PRKCH: variants seen among roughly 807,000 people sequenced by gnomAD.
PRKCH encodes protein kinase C eta type.
Under a neutral mutation model 82.5 loss-of-function variants are expected in PRKCH, and 28 were observed. That is an observed-to-expected ratio of 0.34 (90% confidence interval 0.25 to 0.47). The LOEUF (loss-of-function observed/expected upper bound fraction) is 0.47, where lower values mean the gene tolerates loss of function less well. PRKCH is among the 20% of genes least tolerant of loss of function. The probability of loss-of-function intolerance (pLI) is 1.00; values close to 1 mark genes in which losing one functional copy is unlikely to be tolerated. For synonymous variants in PRKCH, 322 were observed against 327.4 expected (o/e 0.98, Z 0.18); for missense variants, 705 against 881.8 (o/e 0.80, Z 2.54).
intron 2 of PRKCH, among the ~76,000 whole-genome samples, chr14:61,436,415 A>C (rs1204806310): frequency 6.7e-6 from 1 of 149,630 alleles, no homozygotes; most frequent in Non-Finnish European, 1.5e-5. Flanking sequence ...TAATACAGTG[A>C]GTCCAACCAC....
intron 10 of PRKCH, 114 bp downstream of exon 10, chr14:61,485,770 C>G (rs938344330): frequency 1.1e-5 from 15 of 1,375,284 alleles, no homozygotes; most frequent in Non-Finnish European, 1.5e-5. Flanking sequence ...GAATTAAATT[C>G]ACAGAAGTTT....
At chr14:61,284,034 A>G (rs1049893443) in intron 1 of PRKCH, among the ~76,000 whole-genome samples, 1 of 152,190 alleles carries the variant, frequency 6.6e-6, no homozygotes, top group Non-Finnish European at 1.5e-5. Context: ...GAGGTTGAAA[A>G]GAGGGGTGGC....
At chr14:61,275,214 T>C (rs1169220096) in intron 1 of PRKCH, among the ~76,000 whole-genome samples, 1 of 152,246 alleles carries the variant, frequency 6.6e-6, no homozygotes, top group African/African-American at 2.4e-5. Flanking sequence ...CTTTCTTTTC[T>C]TTTAGAACAT....
intron 1 of PRKCH, among the ~76,000 whole-genome samples, chr14:61,188,705 G>GTGTGTGTGTGTGTT (rs2044387375): frequency 3.1e-5 from 1 of 32,622 alleles, no homozygotes; most frequent in African/African-American, 8.8e-5. Flanking sequence ...CGTTGCTGTA[G>GTGTGTGTGTGTGTT]TGTGTGTGTG....
At chr14:61,369,016 T>C (rs1344855599) in intron 1 of PRKCH, among the ~76,000 whole-genome samples, 2 of 152,120 alleles carry the variant, frequency 1.3e-5, no homozygotes, top group Non-Finnish European at 2.9e-5. Flanking sequence ...GTGTACTTGG[T>C]CATGTGGCTT....
At chr14:61,253,964 TTCCCTCCCTCCCTCC>T (rs1390075171) in intron 1 of PRKCH, among the ~76,000 whole-genome samples, 18 of 135,656 alleles carry the variant, frequency 1.3e-4, no homozygotes, top group Admixed American at 3.6e-4. Flanking sequence ...TCCTTCCTTC[TTCCCTCCCTCCCTCC>T]TCCCTCCCTC....
intron 1 of PRKCH, among the ~76,000 whole-genome samples, chr14:61,249,653 G>T (rs545925045): frequency 6.6e-6 from 1 of 151,300 alleles, no homozygotes; most frequent in Non-Finnish European, 1.5e-5. Flanking sequence ...ACAGAGTCTC[G>T]CTCTGTCTCC....
chr14:61,190,844 A>G (rs2044403040), intron 1 of PRKCH, among the ~76,000 whole-genome samples: 2 of 152,032 alleles, frequency 1.3e-5, no homozygotes, highest in South Asian at 4.1e-4. Context: ...AGTAGCACCC[A>G]CACCCCACCC....
chr14:61,329,800 G>A (rs1345762816), intron 1 of PRKCH, among the ~76,000 whole-genome samples: 3 of 152,110 alleles, frequency 2.0e-5, no homozygotes, highest in Non-Finnish European at 2.9e-5. Context: ...CTCTTTTGCC[G>A]CTGTCTCCTC....
chr14:61,322,729 C>T, intron 1 of PRKCH: 1 of 414,890 alleles, frequency 2.4e-6, no homozygotes, highest in Non-Finnish European at 4.4e-6. Flanking sequence ...GGGCAGGGGT[C>T]CAGGGCGGTC....
At chr14:61,242,056 G>T (rs2044844055) in intron 1 of PRKCH, among the ~76,000 whole-genome samples, 1 of 152,156 alleles carries the variant, frequency 6.6e-6, no homozygotes, top group Admixed American at 6.5e-5. Context: ...TGAATTAGGG[G>T]AAAGAATAAC....
chr14:61,209,310 TAAA>T (rs6145367), intron 1 of PRKCH, among the ~76,000 whole-genome samples: 9 of 92,874 alleles, frequency 9.7e-5, no homozygotes, highest in Non-Finnish European at 1.2e-4. Flanking sequence ...TGCCTTTATT[TAAA>T]AAAAAAAAAA....
intron 10 of PRKCH, among the ~76,000 whole-genome samples, chr14:61,486,883 G>A (rs1438957586): frequency 2.6e-5 from 4 of 152,196 alleles, no homozygotes; most frequent in African/African-American, 4.8e-5. Flanking sequence ...TATATTAGGG[G>A]CATGAATGCC....
chr14:61,363,672 T>A (rs2046259588), intron 1 of PRKCH, among the ~76,000 whole-genome samples: 1 of 152,050 alleles, frequency 6.6e-6, no homozygotes, highest in Admixed American at 6.6e-5. Flanking sequence ...GAGATGGGAA[T>A]CTGGGAGCCA....
At chr14:61,506,782 T>G (rs2139964103) in intron 10 of PRKCH, among the ~76,000 whole-genome samples, 1 of 152,294 alleles carries the variant, frequency 6.6e-6, no homozygotes, top group South Asian at 2.1e-4. Flanking sequence ...GCAGAGGCCA[T>G]CCATGAAGCC....
At chr14:61,492,202 A>G (rs902662410) in intron 10 of PRKCH, 1 of 152,240 alleles carries the variant, frequency 6.6e-6, no homozygotes, top group Non-Finnish European at 1.5e-5. Context: ...TACAGTGTTC[A>G]GTCAGCTGAT....
At chr14:61,379,785 C>A (rs560662764) in intron 1 of PRKCH, among the ~76,000 whole-genome samples, 1 of 152,124 alleles carries the variant, frequency 6.6e-6, no homozygotes, top group Admixed American at 6.5e-5. Context: ...CAGGGTCACA[C>A]CTGTCACTTC....
chr14:61,210,111 A>AAC (rs1475194510), intron 1 of PRKCH, among the ~76,000 whole-genome samples: 34 of 87,394 alleles, frequency 3.9e-4, no homozygotes, highest in East Asian at 9.9e-4. Flanking sequence ...CAAACAAACA[A>AAC]ATATATATAT....
chr14:61,448,260 CAT>C (rs1884320987), intron 4 of PRKCH, among the ~76,000 whole-genome samples: 1 of 151,862 alleles, frequency 6.6e-6, no homozygotes, highest in Non-Finnish European at 1.5e-5. Flanking sequence ...AAACCTTCCA[CAT>C]GTCTTGAAAG....
Sources: allele counts gnomAD v4.1 joint callset (sites outside exome capture counted in the v4.1 genomes callset), GRCh38; gene constraint gnomAD v4.1.1; transcripts MANE v1.5; gene names NCBI Gene and HGNC (gene_info 2026-07-23, HGNC 2026-07-21).